The following RPIA variants were observed in gnomAD, a reference collection of about 807,000 sequenced individuals.
RPIA encodes ribose 5-phosphate isomerase A, also known as ribose-5-phosphate isomerase.
In RPIA, 29 loss-of-function variants were observed where a neutral mutation model predicts 37.8. That is an observed-to-expected ratio of 0.77 (90% confidence interval 0.57 to 1.05). The LOEUF (loss-of-function observed/expected upper bound fraction) is 1.05, where lower values mean the gene tolerates loss of function less well. RPIA is among the 50% of genes least tolerant of loss of function. The probability of loss-of-function intolerance (pLI) is 0.00; values close to 1 mark genes in which losing one functional copy is unlikely to be tolerated. For synonymous variants in RPIA, 167 were observed against 157.0 expected, an observed-to-expected ratio of 1.06 and a Z score of -0.48; for missense variants, 385 against 413.6, an observed-to-expected ratio of 0.93 and a Z score of 0.60.
intron 3 of RPIA, among the ~76,000 whole-genome samples, chr2:88,700,899 A>G (rs1282985968): frequency 2.0e-5 from 3 of 152,200 alleles, no homozygotes; most frequent in Non-Finnish European, 4.4e-5. Flanking sequence ...TCAAGATGAT[A>G]CTATGCACTG....
intron 2 of RPIA, among the ~76,000 whole-genome samples, chr2:88,698,878 T>C (rs971960470): frequency 1.3e-5 from 2 of 152,218 alleles, no homozygotes; most frequent in African/African-American, 4.8e-5. Flanking sequence ...AGCTCAGACT[T>C]CCTCAGGCAG....
chr2:88,695,334 C>T (rs1281047037), intron 1 of RPIA, among the ~76,000 whole-genome samples: 1 of 152,134 alleles, frequency 6.6e-6, no homozygotes, highest in South Asian at 2.1e-4. Flanking sequence ...GGAGCTGAGC[C>T]CTCAACCAGT....
chr2:88,722,228 A>G (rs1321990916), intron 3 of RPIA, among the ~76,000 whole-genome samples: 3 of 151,906 alleles, frequency 2.0e-5, no homozygotes, highest in African/African-American at 7.3e-5. Flanking sequence ...CTTGTTTTAT[A>G]CATAACCTTT....
chr2:88,713,349 T>C (rs2104096822), intron 3 of RPIA, among the ~76,000 whole-genome samples: 1 of 151,916 alleles, frequency 6.6e-6, no homozygotes, highest in East Asian at 1.9e-4. Context: ...TATGCGACTT[T>C]TCCTCAGTCA....
chr2:88,704,941 C>T (rs1672880248), intron 3 of RPIA, among the ~76,000 whole-genome samples: 1 of 151,922 alleles, frequency 6.6e-6, no homozygotes, highest in Admixed American at 6.6e-5. Flanking sequence ...AAGCAGAGAG[C>T]CAAATCATGA....
intron 3 of RPIA, among the ~76,000 whole-genome samples, chr2:88,705,544 T>C (rs538257578): frequency 5.3e-5 from 8 of 152,262 alleles, no homozygotes; most frequent in African/African-American, 1.4e-4. Context: ...TTACAACTTA[T>C]ATGAAAATTA....
At chr2:88,720,915 C>T (rs940474592) in intron 3 of RPIA, among the ~76,000 whole-genome samples, 1 of 152,112 alleles carries the variant, frequency 6.6e-6, no homozygotes, top group South Asian at 2.1e-4. Context: ...CACATGCACA[C>T]GTATGTTTAT....
intron 3 of RPIA, among the ~76,000 whole-genome samples, chr2:88,709,481 C>G (rs1672936646): frequency 6.6e-6 from 1 of 152,184 alleles, no homozygotes; most frequent in Non-Finnish European, 1.5e-5. Context: ...TAGCATAAGT[C>G]TTATGAGCCA....
At chr2:88,702,510 G>C (rs1050949916) in intron 3 of RPIA, among the ~76,000 whole-genome samples, 1 of 135,342 alleles carries the variant, frequency 7.4e-6, no homozygotes, top group Non-Finnish European at 1.6e-5. Flanking sequence ...AGCAGACAAA[G>C]AGAGAATGAG....
At chr2:88,748,073 C>T (rs1187088403) in intron 8 of RPIA, among the ~76,000 whole-genome samples, 1 of 152,160 alleles carries the variant, frequency 6.6e-6, no homozygotes, top group Non-Finnish European at 1.5e-5. Context: ...GTGGCAAGTC[C>T]TCTTTGCCAC....
chr2:88,704,745 AG>A (rs1369779392), intron 3 of RPIA, among the ~76,000 whole-genome samples: 4 of 152,228 alleles, frequency 2.6e-5, no homozygotes, highest in African/African-American at 9.6e-5. Context: ...AGAGAAAGAA[AG>A]GGTATTCACA....
intron 4 of RPIA, among the ~76,000 whole-genome samples, chr2:88,733,786 C>T (rs6715865): frequency 0.065 from 9,944 of 152,196 alleles, 594 homozygotes; most frequent in African/African-American, 0.16. Flanking sequence ...AAAATATACT[C>T]GGGGTTCCTA....
intron 1 of RPIA, among the ~76,000 whole-genome samples, chr2:88,695,643 C>T (rs899533033): frequency 6.6e-6 from 1 of 152,174 alleles, no homozygotes; most frequent in Non-Finnish European, 1.5e-5. Flanking sequence ...ATTTACTTGT[C>T]TTGAAGTCCT....
intron 3 of RPIA, among the ~76,000 whole-genome samples, chr2:88,706,703 TAAAAA>T (rs1217748694): frequency 1.4e-5 from 2 of 143,174 alleles, no homozygotes; most frequent in African/African-American, 5.1e-5. Flanking sequence ...AATTTTAAAT[TAAAAA>T]AAAAAAAGAA....
At chr2:88,727,800 A>G (rs910143814) in intron 3 of RPIA, among the ~76,000 whole-genome samples, 1 of 152,206 alleles carries the variant, frequency 6.6e-6, no homozygotes, top group South Asian at 2.1e-4. Flanking sequence ...TAGCAATACT[A>G]TTTTTGCTGT....
At chr2:88,741,050 T>G (rs561746668) in intron 8 of RPIA, among the ~76,000 whole-genome samples, 29 of 151,436 alleles carry the variant, frequency 1.9e-4, no homozygotes, top group African/African-American at 6.6e-4. Context: ...TCTTTGGGAG[T>G]TTTTTTTTAA....
rs1347074630 is a variant in RPIA, at chr2:88,729,356, G to A, written c.462+19G>A. ...CCCAGAGGTAAGATTGCCACTCAGA[G>A]GCAGACCACTGCGTATTTCTTTCCG... On this transcript the variant is annotated intron_variant, in intron 4 of 8. Transcript: ENST00000283646. The A allele has an allele frequency of 3.7e-6, 6 of 1,611,564 alleles. No individual in the cohort carries two copies. In the African/African-American group the frequency reaches 8.0e-5, roughly 22 times the overall value.
At chr2:88,714,429 C>T (rs571814326) in intron 3 of RPIA, among the ~76,000 whole-genome samples, 304 of 152,288 alleles carry the variant, frequency 2.0e-3, no homozygotes, top group African/African-American at 6.9e-3. Context: ...GCCTTGGCTT[C>T]CCAAAATGCT....
At chr2:88,732,741 A>AT (rs1263965364) in intron 4 of RPIA, among the ~76,000 whole-genome samples, 1 of 10,848 alleles carries the variant, frequency 9.2e-5, no homozygotes, top group East Asian at 7.9e-4. Context: ...AAAAAAAAAA[A>AT]AAAAAAAAAA....
Sources: allele counts gnomAD v4.1 joint callset (sites outside exome capture counted in the v4.1 genomes callset), GRCh38; gene constraint gnomAD v4.1.1; transcripts MANE v1.5; gene names NCBI Gene and HGNC (gene_info 2026-07-23, HGNC 2026-07-21).